HLA-DQA1: variants seen among roughly 807,000 people sequenced by gnomAD.
HLA-DQA1 encodes the protein major histocompatibility complex, class II, DQ alpha 1.
In HLA-DQA1, 10 loss-of-function variants were observed where a neutral mutation model predicts 20.7. That is an observed-to-expected ratio of 0.48 (90% CI 0.30 to 0.82). HLA-DQA1 has a LOEUF of 0.82. HLA-DQA1 is among the 40% of genes least tolerant of loss of function. The pLI, the probability that HLA-DQA1 is intolerant of heterozygous loss-of-function variation, is 0.07. For missense variants in HLA-DQA1, 127 were observed against 293.0 expected (o/e 0.43, Z 4.14); for synonymous variants, 39 against 109.2 (o/e 0.36, Z 4.01).
downstream of HLA-DQA1, among the ~76,000 whole-genome samples, chr6:32,650,844 TATAATAATAATAATAATAATAATAATA>T (rs199519440): frequency 3.1e-5 from 2 of 63,582 alleles, 1 homozygote; most frequent in Non-Finnish European, 6.3e-5. Flanking sequence ...GAGCTTAAAG[TATAATAATAATAATAATAATAATAATA>T]ATAATAATAA....
chr6:32,647,335 G>A (rs142257721), downstream of HLA-DQA1, among the ~76,000 whole-genome samples: 2,805 of 96,596 alleles, frequency 0.029, 1,012 homozygotes, highest in Middle Eastern at 0.12. Flanking sequence ...TGGGCGTGGT[G>A]GTGGGCACCT....
chr6:32,640,173 G>A (rs28383400), intron 1 of HLA-DQA1, among the ~76,000 whole-genome samples: 4,227 of 84,684 alleles, frequency 0.05, 423 homozygotes, highest in East Asian at 0.11. Context: ...TACTTTTGAA[G>A]GATGTTGGAC....
downstream of HLA-DQA1, chr6:32,644,142 T>A (rs184880391): frequency 6.6e-6 from 1 of 152,156 alleles, no homozygotes; most frequent in African/African-American, 2.4e-5. Context: ...GTTGAGACAA[T>A]GTAGCAGCAG....
chr6:32,647,977 G>A (rs17612640), downstream of HLA-DQA1, among the ~76,000 whole-genome samples: 85,999 of 151,194 alleles, frequency 0.57, 24,781 homozygotes, highest in Middle Eastern at 0.7. Flanking sequence ...CCACAAACAT[G>A]TAATTACAAA....
intron 3 of HLA-DQA1, 145 bp downstream of exon 3, chr6:32,642,398 CA>C: frequency 1.5e-6 from 1 of 683,712 alleles, no homozygotes; most frequent in African/African-American, 2.3e-5. Context: ...AAGAATAAAG[CA>C]AAAAAAGCAG....
At chr6:32,642,556 C>G in intron 3 of HLA-DQA1, 54 bp from the exon 4 acceptor site, 5 of 1,356,982 alleles carry the variant, frequency 3.7e-6, no homozygotes, top group Non-Finnish European at 5.2e-6. Flanking sequence ...CCATCCCACA[C>G]ACATGCACAT....
At chr6:32,638,409 T>G in intron 1 of HLA-DQA1, among the ~76,000 whole-genome samples, 1 of 119,140 alleles carries the variant, frequency 8.4e-6, no homozygotes, top group East Asian at 2.4e-4. Context: ...AGGTGGCTCA[T>G]GCCTGTAATC....
rs1360119615 is a variant in HLA-DQA1 at position 32,642,031 on chromosome 6, C to T, written c.391C>T (p.Leu131Phe). 27 of 1,505,596 alleles carry T rather than the reference C, an allele frequency of 1.8e-5. No homozygotes were observed. Among genetic ancestry groups the T allele is most frequent in the Non-Finnish European group, 2.3e-5 (26 of 1,111,984 alleles). 93.3% of individuals were successfully genotyped at this position (1,505,596 alleles called of 1,614,324 possible). A position where few individuals can be genotyped will look rare whatever the true frequency, so the allele number is the denominator to read the frequency against. Residue 131 changes from leucine to phenylalanine, a missense_variant, in exon 3 of 5, where the codon CTC becomes TTC. Leu to Phe is a conservative substitution (Grantham distance 22). Coordinates refer to ENST00000343139, the MANE Select transcript of HLA-DQA1 (RefSeq NM_002122.5). ...CGTGACACTGGGTCAGCCCAACACCCTCATTTGTCTTGTGGACAACATCTT... is the reference window on the plus strand; with the variant it reads ...CGTGACACTGGGTCAGCCCAACACCTTCATTTGTCTTGTGGACAACATCTT... The part of the protein sequence containing the change: ...SPVTLGQPNT[L>F]ICLVDNIFPP...
intron 1 of HLA-DQA1, chr6:32,639,032 T>C (rs9272538): frequency 0.2 from 52,361 of 266,726 alleles, 13,152 homozygotes; most frequent in Admixed American, 0.34. Context: ...CTTTCACAAC[T>C]TTATTAACCG....
At chr6:32,640,386 T>C in intron 1 of HLA-DQA1, among the ~76,000 whole-genome samples, 1 of 93,516 alleles carries the variant, frequency 1.1e-5, no homozygotes, top group Non-Finnish European at 2.3e-5. Flanking sequence ...GGTAAAAGGC[T>C]TACACATGTC....
intron 1 of HLA-DQA1, among the ~76,000 whole-genome samples, chr6:32,640,855 C>T (rs1781339624): frequency 9.1e-6 from 1 of 109,630 alleles, no homozygotes; most frequent in African/African-American, 3.4e-5. Context: ...GTGTCCTATT[C>T]TGAGCCAGTC....
At chr6:32,652,655 G>A in the HLA-DQA1 span, among the ~76,000 whole-genome samples, 5 of 146,420 alleles carry the variant, frequency 3.4e-5, no homozygotes, top group Admixed American at 1.4e-4. Flanking sequence ...GGTCAGCTTT[G>A]ACGATATTGA....
rs1781657611 is a variant in HLA-DQA1 at position 32,643,567 on chromosome 6, CCA to C, written c.*637_*638del. 6.5e-6 allele frequency: 1 copy of C among 153,860 alleles called. No individual in the cohort carries two copies. The highest frequency in any genetic ancestry group is 2.5e-5 in the African/African-American group (1 of 39,456). The allele number at this position is 153,860 out of a possible 1,614,324, so 9.5% of individuals were successfully genotyped here. A position where few individuals can be genotyped will look rare whatever the true frequency, so the allele number is the denominator to read the frequency against. Reference sequence around the variant, plus strand: ...AATTGTTATAGCAAAAATTTTAGAACCAAAAAATAAGTCTGTACTAATTTCAA... The same window carrying C: ...AATTGTTATAGCAAAAATTTTAGAACAAAAATAAGTCTGTACTAATTTCAA... On this transcript the variant is annotated 3_prime_UTR_variant, in exon 5 of 5. Transcript: ENST00000343139.
chr6:32,645,952 C>T (rs907682339), downstream of HLA-DQA1: 5 of 140,448 alleles, frequency 3.6e-5, 1 homozygote, highest in African/African-American at 1.3e-4. Context: ...TCTACAAATG[C>T]TGCCCAACTC....
chr6:32,641,277 T>C, intron 1 of HLA-DQA1, 33 bp from the exon 2 acceptor site: 1 of 1,223,612 alleles, frequency 8.2e-7, no homozygotes, highest in Non-Finnish European at 1.1e-6. Context: ...TCCCCTGTTC[T>C]CCGCCTTCCT....
At position 32,643,011 on chromosome 6, in the gene HLA-DQA1, C is replaced by T. The variant is rs1489450198; in HGVS notation, c.*80C>T. On this transcript the variant is annotated 3_prime_UTR_variant, in exon 5 of 5. Coordinates refer to ENST00000343139, the MANE Select transcript of HLA-DQA1 (RefSeq NM_002122.5). ...TTGCTAAATGACCTAGCACTATTCTCTGGCCCGATTTATCATATCCCTTTT... is the reference window on the plus strand; with the variant it reads ...TTGCTAAATGACCTAGCACTATTCTTTGGCCCGATTTATCATATCCCTTTT... The T allele has an allele frequency of 2.4e-6, 1 of 418,286 alleles. No homozygotes were observed. The highest frequency in any genetic ancestry group is 4.4e-5 in the Admixed American group (1 of 22,888). The allele number at this position is 418,286 out of a possible 1,614,324, so 25.9% of individuals were successfully genotyped here.
At chr6:32,646,386 A>T (rs958713142), downstream of HLA-DQA1, 1 of 141,396 alleles carries the variant, frequency 7.1e-6, no homozygotes, top group Non-Finnish European at 1.5e-5. Flanking sequence ...ACAAAGCAAG[A>T]CCTTGTCTCT....
chr6:32,639,205 C>T (rs1477245456), intron 1 of HLA-DQA1: 1 of 153,060 alleles, frequency 6.5e-6, no homozygotes, highest in African/African-American at 3.0e-5. Context: ...GCAGGGGACC[C>T]TCCATACTGT....
At position 32,643,132 on chromosome 6, in the gene HLA-DQA1, T is replaced by G. The variant is rs1170250899; in HGVS notation, c.*201T>G. ...ATGCCTTTACATTCTTTCCCTGACC[T>G]CCTGATTTTTTTTTTCTTTTCTCAA... On this transcript the variant is annotated 3_prime_UTR_variant, in exon 5 of 5. Transcript: ENST00000343139. 9.1e-6 allele frequency: 3 copies of G among 329,326 alleles called. 1 individual carries two copies. Among genetic ancestry groups the G allele is most frequent in the Non-Finnish European group, 1.8e-5 (3 of 169,446 alleles). 20.4% of individuals were successfully genotyped at this position (329,326 alleles called of 1,614,324 possible). A position where few individuals can be genotyped will look rare whatever the true frequency, so the allele number is the denominator to read the frequency against.
Sources: allele counts gnomAD v4.1 joint callset (sites outside exome capture counted in the v4.1 genomes callset), GRCh38; gene constraint gnomAD v4.1.1; transcripts MANE v1.5; gene names NCBI Gene and HGNC (gene_info 2026-07-23, HGNC 2026-07-21).